Variants in UBAP2L observed in about 807,000 individuals in gnomAD.
UBAP2L encodes ubiquitin associated protein 2 like.
UBAP2L carries 12 observed loss-of-function variants against 130.6 expected under a neutral mutation model. That is an observed-to-expected ratio of 0.09 (90% CI 0.06 to 0.15). UBAP2L has a LOEUF of 0.15. Among genes scored for constraint, UBAP2L ranks in the 10% least tolerant of loss-of-function variants. The pLI is 1.00. For missense variants in UBAP2L, 965 were observed against 1,332.5 expected (o/e 0.72, Z 4.29); for synonymous variants, 503 against 524.7 (o/e 0.96, Z 0.57).
At chr1:154,261,721 C>T (rs372565414) in intron 24 of UBAP2L, 24 bp downstream of exon 24, 246 of 1,608,358 alleles carry the variant, frequency 1.5e-4, no homozygotes, top group Non-Finnish European at 2.0e-4. Context: ...GTCTCTGGCT[C>T]GGTGTTATCT....
intron 8 of UBAP2L, among the ~76,000 whole-genome samples, chr1:154,240,705 T>G (rs1026397568): frequency 6.6e-6 from 1 of 152,126 alleles, no homozygotes. Flanking sequence ...AAACCCACCC[T>G]TCTTCACTGC....
intron 2 of UBAP2L, among the ~76,000 whole-genome samples, chr1:154,227,011 C>T (rs1485418685): frequency 3.9e-5 from 6 of 152,084 alleles, no homozygotes; most frequent in Non-Finnish European, 5.9e-5. Context: ...TTAGTAGAGA[C>T]GGGGTTTTGC....
intron 18 of UBAP2L, 108 bp from the exon 19 acceptor site, chr1:154,256,955 G>A: frequency 7.6e-7 from 1 of 1,315,352 alleles, no homozygotes. Flanking sequence ...TCTTTAATTA[G>A]GAAGTTGACA....
At chr1:154,233,461 A>G (rs1174580762) in intron 4 of UBAP2L, among the ~76,000 whole-genome samples, 1 of 151,472 alleles carries the variant, frequency 6.6e-6, no homozygotes, top group Non-Finnish European at 1.5e-5. Context: ...AGTAGCTGGG[A>G]TTACAGGTGC....
At chr1:154,258,733 A>C (rs1023218169) in intron 20 of UBAP2L, 6 of 405,450 alleles carry the variant, frequency 1.5e-5, no homozygotes, top group Admixed American at 8.5e-5. Context: ...TATTGGTATC[A>C]AGAAGCCAGC....
chr1:154,241,420 C>A, intron 8 of UBAP2L, 93 bp from the exon 9 acceptor site: 1 of 1,313,202 alleles, frequency 7.6e-7, no homozygotes, highest in Non-Finnish European at 1.1e-6. Context: ...ATACTTTTGG[C>A]TGCCAAAAAA....
chr1:154,256,121 A>G (rs1679562871), intron 18 of UBAP2L, among the ~76,000 whole-genome samples: 1 of 152,226 alleles, frequency 6.6e-6, no homozygotes, highest in African/African-American at 2.4e-5. Flanking sequence ...AATCAGTGCA[A>G]GGCTGGACAT....
chr1:154,241,478 A>G (rs371503236), intron 8 of UBAP2L, 35 bp from the exon 9 acceptor site: 1 of 1,603,994 alleles, frequency 6.2e-7, no homozygotes, highest in Non-Finnish European at 8.5e-7. Context: ...GGCATTTAAT[A>G]GTGAAGTTAC....
chr1:154,238,140 A>G (rs1026344780), intron 8 of UBAP2L, among the ~76,000 whole-genome samples: 1 of 152,142 alleles, frequency 6.6e-6, no homozygotes, highest in African/African-American at 2.4e-5. Context: ...CCTTTTTCCT[A>G]CAATATATTA....
intron 22 of UBAP2L, among the ~76,000 whole-genome samples, chr1:154,260,282 A>G (rs1158585477): frequency 1.2e-4 from 18 of 152,182 alleles, no homozygotes; most frequent in Non-Finnish European, 1.5e-5. Context: ...CCAAGGTGGG[A>G]GAATTGCTTG....
At chr1:154,260,471 G>C (rs557026968) in intron 22 of UBAP2L, among the ~76,000 whole-genome samples, 22 of 152,332 alleles carry the variant, frequency 1.4e-4, no homozygotes, top group African/African-American at 5.3e-4. Context: ...CAATCTCACT[G>C]CCTTGCCACT....
At chr1:154,228,899 G>C (rs1668864258) in intron 4 of UBAP2L, among the ~76,000 whole-genome samples, 174 bp downstream of exon 4, 1 of 152,174 alleles carries the variant, frequency 6.6e-6, no homozygotes, top group African/African-American at 2.4e-5. Context: ...AAATTTATGT[G>C]TACTACATCC....
intron 11 of UBAP2L, among the ~76,000 whole-genome samples, chr1:154,247,533 G>A (rs1029938515): frequency 6.6e-6 from 1 of 152,182 alleles, no homozygotes; most frequent in Non-Finnish European, 1.5e-5. Flanking sequence ...GTCTGGAATT[G>A]TGAAAATTTA....
intron 4 of UBAP2L, among the ~76,000 whole-genome samples, chr1:154,233,272 C>G (rs1357852007): frequency 1.3e-5 from 2 of 151,960 alleles, no homozygotes; most frequent in East Asian, 3.9e-4. Context: ...TCCTCGGCCT[C>G]CCAAAGTGCT....
intron 4 of UBAP2L, among the ~76,000 whole-genome samples, chr1:154,232,323 CAA>C (rs201210068): frequency 8.2e-6 from 1 of 121,792 alleles, no homozygotes. Flanking sequence ...ACTAAGTTTC[CAA>C]AAAAAAAAAA....
At chr1:154,259,725 G>A (rs1483630874) in intron 21 of UBAP2L, 1 of 684,176 alleles carries the variant, frequency 1.5e-6, no homozygotes, top group African/African-American at 1.8e-5. Flanking sequence ...GTATTCTCAA[G>A]TGGGCATACC....
intron 8 of UBAP2L, 50 bp from the exon 9 acceptor site, chr1:154,241,460 TTTG>T: frequency 6.4e-7 from 1 of 1,568,178 alleles, no homozygotes; most frequent in Non-Finnish European, 8.8e-7. Context: ...CTATACATGC[TTTG>T]TACTGGCATT....
Position 154,235,159 on chromosome 1 carries a change from G to C in UBAP2L, c.449-37G>C, listed in dbSNP as rs12023901. ...TGGCCATCTGTGGTTTGGTTTTTTT[G>C]TTGTTGTTGTTGTTTTAATTTTTAT... On this transcript the variant is annotated intron_variant, in intron 5 of 26. Transcript: ENST00000428931. 9.7e-6 allele frequency: 7 copies of C among 722,432 alleles called. No individual in the cohort carries two copies. In the African/African-American group the frequency reaches 1.2e-4, roughly 13 times the overall value. The allele number at this position is 722,432 out of a possible 1,614,324, so 44.8% of individuals were successfully genotyped here.
chr1:154,261,609 C>T lies in UBAP2L; in HGVS notation c.2814C>T (p.Ser938=). The change falls in exon 24 of 27, where the codon TCC becomes TCT. Residue 938 remains serine (S), a synonymous_variant. Transcript: ENST00000428931. ...CTCTTTAGGTGGCTCCTACCTCTTC[C>T]AAGCAGCATGGTGTGAATGTCAGTG... is the stretch of plus-strand genomic sequence containing the variant. The part of the protein sequence containing the change: ...PAVFPVAPTS[S]KQHGVNVSVN... 6.2e-7 allele frequency: 1 copy of T among 1,614,130 alleles called. No individual in the cohort carries two copies. Among genetic ancestry groups the T allele is most frequent in the Non-Finnish European group, 8.5e-7 (1 of 1,180,030 alleles).
Sources: gnomAD v4.1 joint callset for allele counts (sites outside exome capture counted in the v4.1 genomes callset) on GRCh38, gnomAD v4.1.1 for gene constraint, MANE v1.5 for transcripts, NCBI Gene and HGNC (gene_info 2026-07-23, HGNC 2026-07-21) for gene names.